MYOF: variants seen among roughly 807,000 people sequenced by gnomAD.
MYOF encodes myoferlin.
A neutral mutation model predicts 284.2 loss-of-function variants in MYOF; 244 were observed. The ratio of observed to expected loss-of-function variants is 0.86; its 90% CI spans 0.77 to 0.95. The LOEUF is 0.95. Ranked by LOEUF, MYOF falls within the 40% of genes least tolerant of loss-of-function variation. The pLI is 0.00. For synonymous variants in MYOF, 904 were observed against 919.7 expected (o/e 0.98, Z 0.31); for missense variants, 2,496 against 2,560.6 (o/e 0.97, Z 0.54).
chr10:93,326,113 G>T, intron 45 of MYOF, 148 bp from the exon 46 acceptor site: 2 of 1,077,878 alleles, frequency 1.9e-6, no homozygotes, highest in Non-Finnish European at 2.7e-6. Flanking sequence ...TGAAGGAAGA[G>T]TTGACAGAAA....
rs1420887862 is a variant in MYOF at position 93,343,904 on chromosome 10, C to G, written c.4278G>C (p.Arg1426=). ...TGTCTTCCATTTCGATAACGATGTC[C>G]CGGCATGGTGGGGCAGACAGAAGGG... is the stretch of plus-strand genomic sequence containing the variant. ...KASLLSAPPC[R]DIVIEMEDTK... Residue 1426 remains arginine, a synonymous_variant, in exon 38 of 54, where the codon CGG becomes CGC. Transcript: ENST00000359263. 5.6e-6 allele frequency: 9 copies of G among 1,614,108 alleles called. No individual in the cohort carries two copies. The highest frequency in any genetic ancestry group is 7.6e-6 in the Non-Finnish European group (9 of 1,180,020).
chr10:93,397,160 A>G, intron 15 of MYOF, 87 bp downstream of exon 15: 9 of 1,201,926 alleles, frequency 7.5e-6, no homozygotes, highest in Non-Finnish European at 1.0e-5. Flanking sequence ...AAAGCAAAAT[A>G]CCAGAAAGAG....
chr10:93,460,991 T>A (rs1272992532), intron 1 of MYOF, among the ~76,000 whole-genome samples: 3 of 145,694 alleles, frequency 2.1e-5, no homozygotes, highest in East Asian at 2.1e-4. Context: ...GATACTCGGG[T>A]GGCTGAGGCA....
chr10:93,347,639 C>T lies in MYOF; in HGVS notation c.4227G>A (p.Glu1409=), dbSNP rs1242208506. The T allele has an allele frequency of 6.2e-7, 1 of 1,613,240 alleles. No individual in the cohort carries two copies. The highest frequency in any genetic ancestry group is 8.5e-7 in the Non-Finnish European group (1 of 1,179,630). The change falls in exon 37 of 54, where the codon GAG becomes GAA. Residue 1409 remains glutamate (E), a synonymous_variant. Transcript: ENST00000359263. The part of the protein sequence containing the change: ...RFRCDPYAGK[E]DIVPQLKASL... The stretch of plus-strand genomic sequence containing the variant: ...TACCTTTGAGCTGTGGGACGATGTC[C>T]TCTTTCCCTGCATAAGGGTCACAGC...
chr10:93,408,968 T>A, intron 6 of MYOF, 53 bp from the exon 7 acceptor site: 5 of 1,608,952 alleles, frequency 3.1e-6, no homozygotes, highest in Non-Finnish European at 4.2e-6. Context: ...CGTGGGATCC[T>A]TAGGATCCTC....
chr10:93,416,088 C>T (rs571898086), intron 5 of MYOF, among the ~76,000 whole-genome samples: 8 of 152,380 alleles, frequency 5.3e-5, no homozygotes, highest in African/African-American at 1.9e-4. Flanking sequence ...GGTCCAGCCT[C>T]AGGTCTCTTC....
At position 93,333,768 on chromosome 10, in the gene MYOF, T is replaced by C; in HGVS notation, c.4709A>G (p.Asn1570Ser). Reference protein sequence around the residue: ...VRGLELQPQDNNGLCDPYIKI... With the variant: ...VRGLELQPQDSNGLCDPYIKI... ...CACCCAAACTCTTACCAGGCCATTG[T>C]TGTCCTGGGGCTGGAGCTCTAAGCC... is the stretch of plus-strand genomic sequence containing the variant. Residue 1570 changes from asparagine (N) to serine (S), a missense_variant, in exon 42 of 54, where the codon AAC becomes AGC. Physicochemically the swap from Asn to Ser is conservative, Grantham distance 46 (BLOSUM62 1). This residue lies in a region of MYOF where 2,436 missense variants were observed against 2,480.7 expected (regional missense o/e 0.98). Transcript: ENST00000359263. The C allele has an allele frequency of 6.2e-7, 1 of 1,614,158 alleles. No homozygotes were observed. Among genetic ancestry groups the C allele is most frequent in the Non-Finnish European group, 8.5e-7 (1 of 1,180,000 alleles).
chr10:93,397,298 A>C lies in MYOF; in HGVS notation c.1291-8T>G. ...TTCACACACTGAAGGAAACTAAAAA[A>C]ATGAGACAGAAAAAAGTAGTTATTT... is the stretch of plus-strand genomic sequence containing the variant. On this transcript the variant is annotated splice_polypyrimidine_tract_variant and splice_region_variant and intron_variant, in intron 14 of 53. Coordinates refer to ENST00000359263, the MANE Select transcript of MYOF (RefSeq NM_013451.4). The C allele has an allele frequency of 6.2e-7, 1 of 1,602,172 alleles. No homozygotes were observed. Among genetic ancestry groups the C allele is most frequent in the Non-Finnish European group, 8.5e-7 (1 of 1,172,190 alleles).
chr10:93,360,051 C>T lies in MYOF; in HGVS notation c.2975-73G>A, dbSNP rs1844996036. The T allele has an allele frequency of 3.9e-6, 6 of 1,550,726 alleles. No homozygotes were observed. The South Asian group carries it at 5.7e-5, about 15-fold the overall frequency. On this transcript the variant is annotated intron_variant, in intron 28 of 53. Transcript: ENST00000359263. Reference sequence around the variant, plus strand: ...GATCACCAAATAAACCTCGAGGAAACATTTGTTCACTCTCCCTGCCCTCAG... The same window carrying T: ...GATCACCAAATAAACCTCGAGGAAATATTTGTTCACTCTCCCTGCCCTCAG...
intron 1 of MYOF, among the ~76,000 whole-genome samples, chr10:93,472,534 G>T (rs1265216243): frequency 6.6e-6 from 1 of 152,180 alleles, no homozygotes; most frequent in Non-Finnish European, 1.5e-5. Context: ...AGCTACTTGG[G>T]AGGCTGAGGC....
chr10:93,469,218 G>C (rs954094918), intron 1 of MYOF, among the ~76,000 whole-genome samples: 1 of 152,022 alleles, frequency 6.6e-6, no homozygotes, highest in Admixed American at 6.6e-5. Context: ...TGGCCAACTT[G>C]GTGAAACCCT....
At chr10:93,455,923 G>C (rs1324237662) in intron 2 of MYOF, among the ~76,000 whole-genome samples, 3 of 152,196 alleles carry the variant, frequency 2.0e-5, no homozygotes, top group Non-Finnish European at 1.5e-5. Context: ...GAGAGACAGA[G>C]AGAGAGTAGG....
At chr10:93,331,111 G>A (rs535763110) in intron 43 of MYOF, among the ~76,000 whole-genome samples, 9 of 151,866 alleles carry the variant, frequency 5.9e-5, no homozygotes, top group African/African-American at 2.2e-4. Flanking sequence ...TTTTTTCTTG[G>A]AACATCAATT....
At position 93,316,756 on chromosome 10, in the gene MYOF, G is replaced by A; in HGVS notation, c.5656C>T (p.Gln1886Ter). 1 of 1,614,026 alleles carries A rather than the reference G, an allele frequency of 6.2e-7. No homozygotes were observed. ...EFRIPPRLII[Q>*]IWDNDKFSLD... ...GAAAACTTGTCATTGTCCCATATCT[G>A]AATGATCAGCCTGGGTGGGATTCGA... The change falls in exon 50 of 54, where the codon CAG becomes TAG. Residue 1886 changes from glutamine (Q) to a stop codon, truncating the protein, a stop_gained. Coordinates refer to ENST00000359263, the MANE Select transcript of MYOF (RefSeq NM_013451.4). LOFTEE classifies it high-confidence loss of function.
Position 93,409,701 on chromosome 10 carries a change from C to T in MYOF, c.472G>A (p.Asp158Asn), listed in dbSNP as rs1847815444. The part of the protein sequence containing the change: ...EEDEGDEDRL[D>N]NAVRGPGPKG... ...GGCCCAGGGCCCCTGACTGCATTGT[C>T]CAACCTGTCTTCATCACCTTCATCT... The change falls in exon 6 of 54, where the codon GAC becomes AAC. Residue 158 changes from aspartate to asparagine, a missense_variant. Coordinates refer to ENST00000359263, the MANE Select transcript of MYOF (RefSeq NM_013451.4). 1.2e-6 allele frequency: 2 copies of T among 1,614,104 alleles called. No homozygotes were observed. The highest frequency in any genetic ancestry group is 1.3e-5 in the African/African-American group (1 of 74,936).
Position 93,452,240 on chromosome 10 carries a change from T to C in MYOF, c.145-99A>G, listed in dbSNP as rs867326532. 15 of 772,662 alleles carry C rather than the reference T, an allele frequency of 1.9e-5. No homozygotes were observed. The Middle Eastern group carries it at 1.6e-3, about 81-fold the overall frequency. 47.9% of individuals were successfully genotyped at this position (772,662 alleles called of 1,614,324 possible). A position where few individuals can be genotyped will look rare whatever the true frequency, so the allele number is the denominator to read the frequency against. ...ACCAGTACTACATGTTGGGTCATTA[T>C]TTTCACCAATGACAATCTTTTGAAG... On this transcript the variant is annotated intron_variant, in intron 2 of 53. Coordinates refer to ENST00000359263, the MANE Select transcript of MYOF (RefSeq NM_013451.4).
At chr10:93,346,662 T>G (rs1844195813) in intron 37 of MYOF, among the ~76,000 whole-genome samples, 1 of 152,228 alleles carries the variant, frequency 6.6e-6, no homozygotes, top group Admixed American at 6.5e-5. Flanking sequence ...GGCCAACAGG[T>G]GGAAAGCAAT....
intron 39 of MYOF, 87 bp downstream of exon 39, chr10:93,340,066 C>G (rs1843824547): frequency 2.1e-6 from 3 of 1,436,330 alleles, no homozygotes; most frequent in Non-Finnish European, 2.9e-6. Flanking sequence ...GGTGAAAGAG[C>G]GAGACTCCTT....
At chr10:93,441,997 AACACACACAC>A (rs34488205) in intron 3 of MYOF, among the ~76,000 whole-genome samples, 220 of 133,056 alleles carry the variant, frequency 1.7e-3, no homozygotes, top group African/African-American at 5.3e-3. Context: ...CCTCAACCTG[AACACACACAC>A]ACACACACAC....
Sources: allele counts gnomAD v4.1 joint callset (sites outside exome capture counted in the v4.1 genomes callset), GRCh38; gene constraint gnomAD v4.1.1; regional missense constraint gnomAD v4.1.1; transcripts MANE v1.5; gene names NCBI Gene and HGNC (gene_info 2026-07-23, HGNC 2026-07-21).